HCN4: variants seen among roughly 807,000 people sequenced by gnomAD.
HCN4 encodes potassium/sodium hyperpolarization-activated cyclic nucleotide-gated channel 4.
In HCN4, 29 loss-of-function variants were observed where a neutral mutation model predicts 76.9. The ratio of observed to expected loss-of-function variants is 0.38; its 90% CI spans 0.28 to 0.51. HCN4 has a LOEUF of 0.51. Ranked by LOEUF, HCN4 falls within the 20% of genes least tolerant of loss-of-function variation. The pLI, the probability that HCN4 is intolerant of heterozygous loss-of-function variation, is 0.90. For synonymous variants in HCN4, 772 were observed against 762.5 expected, an observed-to-expected ratio of 1.01 and a Z score of -0.21; for missense variants, 1,416 against 1,715.2, an observed-to-expected ratio of 0.83 and a Z score of 3.08.
At position 73,343,278 on chromosome 15, in the gene HCN4, G is replaced by A; in HGVS notation, c.1209+107C>T. The A allele has an allele frequency of 9.0e-7, 1 of 1,107,654 alleles. No individual in the cohort carries two copies. The highest frequency in any genetic ancestry group is 1.3e-5 in the South Asian group (1 of 74,254). The allele number at this position is 1,107,654 out of a possible 1,614,324, so 68.6% of individuals were successfully genotyped here. A position where few individuals can be genotyped will look rare whatever the true frequency, so the allele number is the denominator to read the frequency against. The stretch of plus-strand genomic sequence containing the variant: ...TTGTCCTCTTGGAGCAGGTGTGCCT[G>A]CCACAATCTGACAGCCTATGTTCAA... On this transcript the variant is annotated intron_variant, in intron 2 of 7. Coordinates refer to ENST00000261917, the MANE Select transcript of HCN4 (RefSeq NM_005477.3). This position sits in a 1 kb window ranked among gnomAD's most constrained non-coding sequence, Gnocchi z 5.7.
At chr15:73,359,208 C>G (rs1007282438) in intron 1 of HCN4, among the ~76,000 whole-genome samples, 1 of 152,208 alleles carries the variant, frequency 6.6e-6, no homozygotes, top group African/African-American at 2.4e-5. Flanking sequence ...TAGCCCAGAG[C>G]TGGGGGAGCA....
chr15:73,324,356 G>T, intron 6 of HCN4, 103 bp from the exon 7 acceptor site: 1 of 1,329,206 alleles, frequency 7.5e-7, no homozygotes, highest in Admixed American at 2.0e-5. Context: ...CAGAAGCCTT[G>T]GCAGGCTCAC....
chr15:73,323,177 G>A lies in HCN4; in HGVS notation c.2916C>T (p.Pro972=), dbSNP rs559422705. ...CCCCGGGAGGCTGGCCCAGCTGCCC[G>A]GGGCTAGATGACGGGGATCTGGATG... ...PPSSRSPSSS[P]GQLGQPPGEL... is the part of the protein sequence containing the mutation. The change falls in exon 8 of 8, where the codon CCC becomes CCT. Residue 972 remains proline, a synonymous_variant. Coordinates refer to ENST00000261917, the MANE Select transcript of HCN4 (RefSeq NM_005477.3). 25 of 1,551,590 alleles carry A rather than the reference G, an allele frequency of 1.6e-5. No homozygotes were observed. Among genetic ancestry groups the A allele is most frequent in the Middle Eastern group, 1.7e-4 (1 of 5,766 alleles).
rs2660824 is a variant in HCN4, at chr15:73,325,968, C to T, written c.1591-524G>A. Among the ~76,000 whole-genome samples the T allele has an allele frequency of 0.46, 70,522 of 151,958 alleles. 16,554 individuals are homozygous for T. Among genetic ancestry groups the T allele is most frequent in the East Asian group, 0.54 (2,771 of 5,156 alleles). On this transcript the variant is annotated intron_variant, in intron 4 of 7. Coordinates refer to ENST00000261917, the MANE Select transcript of HCN4 (RefSeq NM_005477.3). This position sits in a 1 kb window ranked among gnomAD's most constrained non-coding sequence, Gnocchi z 7.4. The stretch of plus-strand genomic sequence containing the variant: ...TCCAAACGTGGCCTCAGCTGAGACC[C>T]CGGGTCATTTCGTTGAGAGCAACTC...
At position 73,322,396 on chromosome 15, in the gene HCN4, T is replaced by A. The variant is rs537252175; in HGVS notation, c.*85A>T. On this transcript the variant is annotated 3_prime_UTR_variant, in exon 8 of 8. Transcript: ENST00000261917. ...GTTTTTTAAATAATTATTACTGTTA[T>A]TGGTATATCTCCTAATCACAGTTAA... is the stretch of plus-strand genomic sequence containing the variant. 9.4e-7 allele frequency: 1 copy of A among 1,060,484 alleles called. No homozygotes were observed. 65.7% of individuals were successfully genotyped at this position (1,060,484 alleles called of 1,614,324 possible). A position where few individuals can be genotyped will look rare whatever the true frequency, so the allele number is the denominator to read the frequency against.
chr15:73,329,225 G>A (rs941086911), intron 4 of HCN4, among the ~76,000 whole-genome samples: 2 of 152,174 alleles, frequency 1.3e-5, no homozygotes, highest in African/African-American at 2.4e-5. Context: ...GCGAGAGTGC[G>A]GTCCTGGAGA....
At chr15:73,364,496 G>C (rs1281514948) in intron 1 of HCN4, among the ~76,000 whole-genome samples, 1 of 152,230 alleles carries the variant, frequency 6.6e-6, no homozygotes, top group Non-Finnish European at 1.5e-5. Flanking sequence ...GTGGAAGGAA[G>C]GACCCATCCA....
chr15:73,365,334 A>G (rs2043123641), intron 1 of HCN4, among the ~76,000 whole-genome samples: 4 of 152,224 alleles, frequency 2.6e-5, no homozygotes, highest in African/African-American at 9.6e-5. Flanking sequence ...CCAGACAGCT[A>G]CAAGGCTGTG....
chr15:73,336,856 C>T (rs540551375), intron 2 of HCN4, among the ~76,000 whole-genome samples: 1 of 152,254 alleles, frequency 6.6e-6, no homozygotes, highest in South Asian at 2.1e-4. Flanking sequence ...GACCATGTCA[C>T]TCTCTTACCA....
At chr15:73,326,785 A>ATTTTTTTTTTTTTTTTTTTTT (rs200715507) in intron 4 of HCN4, among the ~76,000 whole-genome samples, 1 of 148,310 alleles carries the variant, frequency 6.7e-6, no homozygotes. Context: ...TTATTTATTT[A>ATTTTTTTTTTTTTTTTTTTTT]TTTATTTATT....
rs1438878131 is a variant in HCN4, at chr15:73,321,458, C to A, written c.*1023G>T. ...ATGGGGAGAATCAAAGTACCCACCCCATGGTCTTTGTGAAACTGAAGGAGT... is the reference window on the plus strand; with the variant it reads ...ATGGGGAGAATCAAAGTACCCACCCAATGGTCTTTGTGAAACTGAAGGAGT... On this transcript the variant is annotated 3_prime_UTR_variant, in exon 8 of 8. Coordinates refer to ENST00000261917, the MANE Select transcript of HCN4 (RefSeq NM_005477.3). The A allele has an allele frequency of 6.6e-6, 1 of 152,396 alleles. No individual in the cohort carries two copies. The highest frequency in any genetic ancestry group is 3.2e-3 in the Middle Eastern group (1 of 316). The allele number at this position is 152,396 out of a possible 1,614,324, so 9.4% of individuals were successfully genotyped here.
rs750941501 is a variant in HCN4 at position 73,325,313 on chromosome 15, G to A, written c.1722C>T (p.Ser574=). 2.2e-5 allele frequency: 35 copies of A among 1,613,592 alleles called. 1 individual carries two copies. The highest frequency in any genetic ancestry group is 1.7e-4 in the Middle Eastern group (1 of 5,914). ...FDEESILGEL[S]EPLREEIINF... is the part of the protein sequence containing the mutation. ...CACAGCTCACCTCCCGCAGGGGCTC[G>A]CTTAGCTCGCCCAGGATGCTCTCCT... The change falls in exon 5 of 8, where the codon AGC becomes AGT. Residue 574 remains serine, a synonymous_variant. Coordinates refer to ENST00000261917, the MANE Select transcript of HCN4 (RefSeq NM_005477.3). This position sits in a 1 kb window ranked among gnomAD's most constrained non-coding sequence, Gnocchi z 7.4.
intron 1 of HCN4, among the ~76,000 whole-genome samples, chr15:73,359,258 G>A (rs1268232180): frequency 2.0e-5 from 3 of 152,194 alleles, no homozygotes; most frequent in Non-Finnish European, 2.9e-5. Context: ...GGCACGGCTC[G>A]AGGTCCAGCC....
rs1313360171 is a variant in HCN4 at position 73,325,459 on chromosome 15, A to AG, written c.1591-16dup. ...ACCTGCTTGTACTGAGGCCGGGAGA[A>AG]GGGGGCGTCAGCTCCACCCCACCAG... is the stretch of plus-strand genomic sequence containing the variant. On this transcript the variant is annotated splice_polypyrimidine_tract_variant and intron_variant, in intron 4 of 7. Coordinates refer to ENST00000261917, the MANE Select transcript of HCN4 (RefSeq NM_005477.3). This position sits in a 1 kb window ranked among gnomAD's most constrained non-coding sequence, Gnocchi z 7.4. The AG allele has an allele frequency of 1.9e-6, 3 of 1,613,506 alleles. No homozygotes were observed. In the Admixed American group the frequency reaches 5.0e-5, roughly 27 times the overall value.
chr15:73,330,487 C>T (rs902259376), intron 3 of HCN4, among the ~76,000 whole-genome samples: 1 of 152,212 alleles, frequency 6.6e-6, no homozygotes. Context: ...CGTGGGAACA[C>T]TGGGATCGGA....
In HCN4 at chr15:73,321,979, C is replaced by G. The variant is rs1218110185; in HGVS notation, c.*502G>C. On this transcript the variant is annotated 3_prime_UTR_variant, in exon 8 of 8. Transcript: ENST00000261917. Reference sequence around the variant, plus strand: ...TGCTACGTTTACAGTAGAAAAAATGCTAGGCCCTCAGGGCCCTGGCCCTTT... The same window carrying G: ...TGCTACGTTTACAGTAGAAAAAATGGTAGGCCCTCAGGGCCCTGGCCCTTT... 3 of 187,190 alleles carry G rather than the reference C, an allele frequency of 1.6e-5. No individual in the cohort carries two copies. Among genetic ancestry groups the G allele is most frequent in the Admixed American group, 5.4e-5 (1 of 18,672 alleles). The allele number at this position is 187,190 out of a possible 1,614,324, so 11.6% of individuals were successfully genotyped here. A position where few individuals can be genotyped will look rare whatever the true frequency, so the allele number is the denominator to read the frequency against.
intron 6 of HCN4, 134 bp from the exon 7 acceptor site, chr15:73,324,387 C>T (rs1284883737): frequency 5.4e-6 from 5 of 933,870 alleles, no homozygotes; most frequent in East Asian, 2.6e-5. Context: ...CCCCAGACTG[C>T]GGCCACACTG....
In HCN4 at chr15:73,323,430, C is replaced by T. The variant is rs1297004740; in HGVS notation, c.2663G>A (p.Gly888Asp). The change falls in exon 8 of 8, where the codon GGC becomes GAC. Residue 888 changes from glycine to aspartate, a missense_variant. Transcript: ENST00000261917. The stretch of plus-strand genomic sequence containing the variant: ...TGATGGTGTGGGAGCCGAGGGGGAG[C>T]CACAGGCCCCGGGGGGTGGGGAGGA... ...SSSSPPPGAC[G>D]SPSAPTPSAG... The T allele has an allele frequency of 6.2e-7, 1 of 1,608,462 alleles. No individual in the cohort carries two copies. The highest frequency in any genetic ancestry group is 1.1e-5 in the South Asian group (1 of 90,818).
chr15:73,341,463 GTTC>G (rs1476551721), intron 2 of HCN4, among the ~76,000 whole-genome samples: 5 of 152,140 alleles, frequency 3.3e-5, no homozygotes, highest in African/African-American at 1.2e-4. Flanking sequence ...ATATTAAACA[GTTC>G]TTCTGCACCA....
Sources: gnomAD v4.1 joint callset for allele counts (sites outside exome capture counted in the v4.1 genomes callset) on GRCh38, gnomAD v4.1.1 for gene constraint, Gnocchi (gnomAD v3.1) non-coding constraint, MANE v1.5 for transcripts, NCBI Gene and HGNC (gene_info 2026-07-23, HGNC 2026-07-21) for gene names.